TNFRSF8: variants seen among roughly 807,000 people sequenced by gnomAD.
TNFRSF8 encodes the protein TNF receptor superfamily member 8, also known as tumor necrosis factor receptor superfamily member 8.
Under a neutral mutation model 70.8 loss-of-function variants are expected in TNFRSF8, and 26 were observed. The observed-to-expected ratio is 0.37, with a 90% confidence interval of 0.27 to 0.51. TNFRSF8 has a LOEUF of 0.51. Ranked by LOEUF, TNFRSF8 falls within the 20% of genes least tolerant of loss-of-function variation. The pLI is 0.94. For missense variants in TNFRSF8, 720 were observed against 807.9 expected (o/e 0.89, Z 1.32); for synonymous variants, 356 against 339.2 (o/e 1.05, Z -0.54).
chr1:12,117,989 G>A (rs2101017894), intron 8 of TNFRSF8, among the ~76,000 whole-genome samples: 1 of 152,208 alleles, frequency 6.6e-6, no homozygotes, highest in African/African-American at 2.4e-5. Context: ...TAAGAATATG[G>A]CCTTCAGTTC....
chr1:12,114,323 T>G lies in TNFRSF8; in HGVS notation c.794-1254T>G, dbSNP rs576854661. On this transcript the variant is annotated intron_variant, in intron 7 of 14. Transcript: ENST00000263932. ...GCTGAGACTACTGTCTCACACATAC[T>G]CAGTTATCTTAAGAGCTATAATAAT... Among the ~76,000 whole-genome samples, 11 of 152,312 alleles carry G rather than the reference T, an allele frequency of 7.2e-5. 1 individual carries two copies. The East Asian group carries it at 2.1e-3, about 29-fold the overall frequency.
chr1:12,123,227 T>C (rs900212840), intron 8 of TNFRSF8, 57 bp from the exon 9 acceptor site: 7 of 1,493,676 alleles, frequency 4.7e-6, no homozygotes, highest in Non-Finnish European at 6.4e-6. Context: ...GTTAACTCTT[T>C]CCTGGAGACA....
chr1:12,090,881 C>A (rs144358085), intron 2 of TNFRSF8, among the ~76,000 whole-genome samples: 2,442 of 152,262 alleles, frequency 0.016, 199 homozygotes, highest in Admixed American at 0.14. Context: ...GAAGTCTTAA[C>A]CCCAGAATCT....
chr1:12,115,804 C>T, intron 8 of TNFRSF8, 75 bp downstream of exon 8: 1 of 1,537,130 alleles, frequency 6.5e-7, no homozygotes, highest in South Asian at 1.2e-5. Flanking sequence ...TCCCCACCAA[C>T]AGCCAGGGGT....
chr1:12,110,216 A>C lies in TNFRSF8; in HGVS notation c.676+12A>C. ...TAGTTCAGATCCAGGTAATTTCCCC[A>C]TGAAGCTGTGGGTCGTCTCCCTGGG... On this transcript the variant is annotated intron_variant, in intron 6 of 14. Coordinates refer to ENST00000263932, the MANE Select transcript of TNFRSF8 (RefSeq NM_001243.5). The surrounding 1 kb of genome is among the most constrained non-coding windows in gnomAD (Gnocchi z 4.0). 1.3e-6 allele frequency: 2 copies of C among 1,570,064 alleles called. No individual in the cohort carries two copies. The highest frequency in any genetic ancestry group is 2.4e-5 in the South Asian group (2 of 84,392).
intron 3 of TNFRSF8, among the ~76,000 whole-genome samples, chr1:12,103,827 C>A (rs1641467395): frequency 6.6e-6 from 1 of 152,168 alleles, no homozygotes; most frequent in Non-Finnish European, 1.5e-5. Context: ...TAGTGTGGCA[C>A]AATTGTTAGC....
intron 10 of TNFRSF8, among the ~76,000 whole-genome samples, chr1:12,124,301 G>T (rs990787535): frequency 6.6e-6 from 1 of 152,086 alleles, no homozygotes; most frequent in Non-Finnish European, 1.5e-5. Flanking sequence ...GAACCACTGC[G>T]CCTGGCTGCT....
At chr1:12,080,158 AG>A (rs1413731022) in intron 1 of TNFRSF8, 4 of 427,442 alleles carry the variant, frequency 9.4e-6, no homozygotes, top group Non-Finnish European at 1.8e-5. Context: ...TACGTTGGCC[AG>A]GCTGGTCTTG....
In TNFRSF8 at chr1:12,108,367, C is replaced by T. The variant is rs185710220; in HGVS notation, c.422-1199C>T. 6.6e-6 allele frequency among the ~76,000 whole-genome samples: 1 copy of T among 152,170 alleles called. No homozygotes were observed. Among genetic ancestry groups the T allele is most frequent in the Admixed American group, 6.5e-5 (1 of 15,290 alleles). ...TGTTGGGATTACAGGTGTGAGCCAC[C>T]GTGCCTGGCGACATACGGGTCACCT... On this transcript the variant is annotated intron_variant, in intron 4 of 14. Coordinates refer to ENST00000263932, the MANE Select transcript of TNFRSF8 (RefSeq NM_001243.5). This position sits in a 1 kb window ranked among gnomAD's most constrained non-coding sequence, Gnocchi z 4.0.
chr1:12,100,564 T>TTATTATTG (rs1321260125), intron 3 of TNFRSF8, among the ~76,000 whole-genome samples: 5 of 152,126 alleles, frequency 3.3e-5, no homozygotes, highest in Non-Finnish European at 7.4e-5. Context: ...TTTTATTATT[T>TTATTATTG]TTAACATTTT....
rs1641785483 is a variant in TNFRSF8, at chr1:12,119,076, G to T, written c.946+3347G>T. On this transcript the variant is annotated intron_variant, in intron 8 of 14. Coordinates refer to ENST00000263932, the MANE Select transcript of TNFRSF8 (RefSeq NM_001243.5). This position sits in a 1 kb window ranked among gnomAD's most constrained non-coding sequence, Gnocchi z 4.4. ...GACAGGGTTTCACCATGATGGTCAGGCTGGTCTCGAACTCCTGACCTGGTG... is the reference window on the plus strand; with the variant it reads ...GACAGGGTTTCACCATGATGGTCAGTCTGGTCTCGAACTCCTGACCTGGTG... Among the ~76,000 whole-genome samples, 2 of 152,192 alleles carry T rather than the reference G, an allele frequency of 1.3e-5. No homozygotes were observed. The highest frequency in any genetic ancestry group is 2.9e-5 in the Non-Finnish European group (2 of 68,038).
At chr1:12,070,622 C>T (rs1339851482) in intron 1 of TNFRSF8, among the ~76,000 whole-genome samples, 1 of 152,082 alleles carries the variant, frequency 6.6e-6, no homozygotes, top group Admixed American at 6.6e-5. Context: ...CTGTGCCCAG[C>T]TGGAATGTGC....
intron 3 of TNFRSF8, among the ~76,000 whole-genome samples, chr1:12,099,718 A>T (rs1641387589): frequency 6.6e-6 from 1 of 151,664 alleles, no homozygotes; most frequent in Admixed American, 6.6e-5. Flanking sequence ...ACTTACACAC[A>T]CCTACATGAT....
At chr1:12,097,879 C>A (rs1463464984) in intron 3 of TNFRSF8, among the ~76,000 whole-genome samples, 1 of 152,078 alleles carries the variant, frequency 6.6e-6, no homozygotes, top group Non-Finnish European at 1.5e-5. Context: ...GTATAAAGTT[C>A]TCTACATATC....
chr1:12,069,549 G>C (rs1640806762), intron 1 of TNFRSF8, among the ~76,000 whole-genome samples: 1 of 152,186 alleles, frequency 6.6e-6, no homozygotes, highest in African/African-American at 2.4e-5. Context: ...TGAAGACTGT[G>C]ACTTTGGGTC....
intron 12 of TNFRSF8, among the ~76,000 whole-genome samples, chr1:12,131,211 A>G (rs1275059859): frequency 2.0e-5 from 3 of 152,194 alleles, no homozygotes; most frequent in African/African-American, 7.2e-5. Flanking sequence ...GCACTTTGGG[A>G]GGCCAAGGTG....
In TNFRSF8 at chr1:12,113,222, T is replaced by C. The variant is rs1234087240; in HGVS notation, c.793+1208T>C. 2.0e-5 allele frequency among the ~76,000 whole-genome samples: 3 copies of C among 152,226 alleles called. No homozygotes were observed. The highest frequency in any genetic ancestry group is 2.0e-4 in the Admixed American group (3 of 15,284). On this transcript the variant is annotated intron_variant, in intron 7 of 14. Transcript: ENST00000263932. The surrounding 1 kb of genome is among the most constrained non-coding windows in gnomAD (Gnocchi z 4.9). ...TCATTCACCTGCCTTGGGGTTGATG[T>C]TGGCTCCTGGCTGCAGCCTTGGTTC...
intron 14 of TNFRSF8, among the ~76,000 whole-genome samples, chr1:12,140,915 C>T (rs1642241146): frequency 6.6e-6 from 1 of 152,120 alleles, no homozygotes; most frequent in Non-Finnish European, 1.5e-5. Context: ...ATCTTTTGCC[C>T]AGCCCTCTAT....
chr1:12,100,449 TG>T (rs59290240), intron 3 of TNFRSF8, among the ~76,000 whole-genome samples: 12,689 of 152,268 alleles, frequency 0.083, 1,709 homozygotes, highest in African/African-American at 0.29. Flanking sequence ...TTGGCTCTTT[TG>T]TAATAACACT....
Sources: gnomAD v4.1 joint callset for allele counts (sites outside exome capture counted in the v4.1 genomes callset) on GRCh38, gnomAD v4.1.1 for gene constraint, Gnocchi (gnomAD v3.1) non-coding constraint, MANE v1.5 for transcripts, NCBI Gene and HGNC (gene_info 2026-07-23, HGNC 2026-07-21) for gene names.